The following RNF217 variants were observed in gnomAD, a reference collection of about 807,000 sequenced individuals.
RNF217 encodes the protein E3 ubiquitin-protein ligase RNF217.
In RNF217, 31 loss-of-function variants were observed where a neutral mutation model predicts 57.8. The observed-to-expected ratio is 0.54, with a 90% CI of 0.40 to 0.72. RNF217 has a LOEUF of 0.72. Ranked by LOEUF, RNF217 falls within the 30% of genes least tolerant of loss-of-function variation. The pLI is 0.00. For missense variants in RNF217, 696 were observed against 708.3 expected (o/e 0.98, Z 0.20); for synonymous variants, 313 against 294.0 (o/e 1.06, Z -0.66).
At chr6:124,964,403 G>A (rs1234216916) in intron 1 of RNF217, among the ~76,000 whole-genome samples, 1 of 151,802 alleles carries the variant, frequency 6.6e-6, no homozygotes, top group Non-Finnish European at 1.5e-5. Context: ...TGTTTCTTTC[G>A]TGTCTGCTTG....
chr6:125,028,602 A>G (rs1786212710), intron 1 of RNF217, among the ~76,000 whole-genome samples: 1 of 152,118 alleles, frequency 6.6e-6, no homozygotes, highest in Admixed American at 6.5e-5. Context: ...AATGTATTAT[A>G]ATTCAGTTTT....
At chr6:124,982,074 T>TTGTGGGCAAA (rs1784194948) in intron 1 of RNF217, among the ~76,000 whole-genome samples, 1 of 150,184 alleles carries the variant, frequency 6.7e-6, no homozygotes, top group Non-Finnish European at 1.5e-5. Context: ...AGGAATTTCC[T>TTGTGGGCAAA]TGTGGGCAAA....
intron 1 of RNF217, among the ~76,000 whole-genome samples, chr6:125,029,232 C>T (rs935490284): frequency 3.9e-5 from 6 of 152,080 alleles, no homozygotes; most frequent in African/African-American, 1.4e-4. Context: ...ACTTATACCC[C>T]TAGAATGAGT....
intron 1 of RNF217, among the ~76,000 whole-genome samples, chr6:125,027,869 T>C (rs978619870): frequency 3.3e-5 from 5 of 152,202 alleles, no homozygotes; most frequent in Non-Finnish European, 1.5e-5. Context: ...AGACGGTATC[T>C]CTTGTAGTTT....
chr6:125,024,501 T>C (rs1297068990), intron 1 of RNF217, among the ~76,000 whole-genome samples: 1 of 151,812 alleles, frequency 6.6e-6, no homozygotes, highest in Non-Finnish European at 1.5e-5. Flanking sequence ...GCGGATCACC[T>C]GAGCTCAGGA....
At chr6:124,965,876 T>C (rs994219896) in intron 1 of RNF217, among the ~76,000 whole-genome samples, 1 of 152,214 alleles carries the variant, frequency 6.6e-6, no homozygotes, top group South Asian at 2.1e-4. Flanking sequence ...ACTTAAGTAA[T>C]TAAGTCAAGA....
chr6:124,964,333 C>G (rs1055525454), intron 1 of RNF217, among the ~76,000 whole-genome samples: 1 of 152,180 alleles, frequency 6.6e-6, no homozygotes, highest in Non-Finnish European at 1.5e-5. Context: ...TTGCCTCACC[C>G]TCCAAGTCAC....
intron 1 of RNF217, among the ~76,000 whole-genome samples, chr6:124,982,038 A>G (rs1784192236): frequency 6.8e-6 from 1 of 147,732 alleles, no homozygotes; most frequent in Admixed American, 6.7e-5. Context: ...AAAAAAAAAA[A>G]AAAAAAAAAG....
At chr6:125,078,384 C>T (rs73772626) in intron 4 of RNF217, among the ~76,000 whole-genome samples, 2,096 of 152,164 alleles carry the variant, frequency 0.014, 40 homozygotes, top group African/African-American at 0.046. Flanking sequence ...TTAATTTGGT[C>T]GTGGCAGTGT....
At chr6:125,006,828 A>G (rs1785198067) in intron 1 of RNF217, among the ~76,000 whole-genome samples, 1 of 152,224 alleles carries the variant, frequency 6.6e-6, no homozygotes, top group Non-Finnish European at 1.5e-5. Flanking sequence ...GCGTGCCTGT[A>G]ATCCCAACTA....
At chr6:124,964,551 T>C (rs563252323) in intron 1 of RNF217, among the ~76,000 whole-genome samples, 4 of 152,188 alleles carry the variant, frequency 2.6e-5, no homozygotes, top group Non-Finnish European at 5.9e-5. Flanking sequence ...GATTCCTCTA[T>C]GTTTTTTGGC....
At position 125,091,061 on chromosome 6, in the gene RNF217, T is replaced by C. The variant is rs975590941; in HGVS notation, c.*8124T>C. On this transcript the variant is annotated 3_prime_UTR_variant, in exon 6 of 6. Transcript: ENST00000521654. Reference sequence around the variant, plus strand: ...GGAGTATCTTAAAAACCTAATTTCTTACACTTTTTAGAGCAATCAACTTAT... The same window carrying C: ...GGAGTATCTTAAAAACCTAATTTCTCACACTTTTTAGAGCAATCAACTTAT... The C allele has an allele frequency of 6.6e-6, 1 of 152,066 alleles. No individual in the cohort carries two copies. Among genetic ancestry groups the C allele is most frequent in the Non-Finnish European group, 1.5e-5 (1 of 67,908 alleles). The allele number at this position is 152,066 out of a possible 1,614,324, so 9.4% of individuals were successfully genotyped here.
At chr6:124,963,555 T>C in intron 1 of RNF217, 129 bp downstream of exon 1, 1 of 1,120,076 alleles carries the variant, frequency 8.9e-7, no homozygotes, top group South Asian at 1.9e-5. Context: ...TCTGTTAGTT[T>C]CTCACGTCTC....
At position 125,081,452 on chromosome 6, in the gene RNF217, T is replaced by C. The variant is rs2114655942; in HGVS notation, c.1500T>C (p.Ile500=). 1.9e-6 allele frequency: 3 copies of C among 1,611,464 alleles called. No individual in the cohort carries two copies. The South Asian group carries it at 3.3e-5, about 18-fold the overall frequency. Residue 500 remains isoleucine (I), a synonymous_variant, in exon 5 of 6, where the codon ATT becomes ATC. Coordinates refer to ENST00000521654, the MANE Select transcript of RNF217 (RefSeq NM_001286398.3). ...RGSVCAGKLF[I]APLIMVLGLA... ...GTTTTCCAGCTGGAAAATTATTCAT[T>C]GCACCTCTAATTATGGTTTTGGGAT...
intron 1 of RNF217, among the ~76,000 whole-genome samples, chr6:125,038,556 G>A (rs1191497346): frequency 1.3e-5 from 2 of 151,984 alleles, no homozygotes; most frequent in African/African-American, 4.8e-5. Flanking sequence ...GGCTATTTAA[G>A]GATTCATAAT....
rs1466891257 is a variant in RNF217, at chr6:125,084,200, G to T, written c.*1263G>T. The T allele has an allele frequency of 1.3e-5, 2 of 151,842 alleles. No individual in the cohort carries two copies. The highest frequency in any genetic ancestry group is 4.8e-5 in the African/African-American group (2 of 41,380). The allele number at this position is 151,842 out of a possible 1,614,324, so 9.4% of individuals were successfully genotyped here. ...ACTGCTCAAACATAATATTTTTGGGGACACCTTCTTATGGAGGAGTTTGAA... is the reference window on the plus strand; with the variant it reads ...ACTGCTCAAACATAATATTTTTGGGTACACCTTCTTATGGAGGAGTTTGAA... On this transcript the variant is annotated 3_prime_UTR_variant, in exon 6 of 6. Transcript: ENST00000521654.
intron 1 of RNF217, among the ~76,000 whole-genome samples, chr6:125,029,886 T>C (rs1350423491): frequency 2.6e-5 from 4 of 152,154 alleles, no homozygotes; most frequent in Non-Finnish European, 4.4e-5. Flanking sequence ...GGGATTCCCA[T>C]AGGGCTTAGT....
intron 2 of RNF217, among the ~76,000 whole-genome samples, chr6:125,054,514 C>T (rs1479006757): frequency 1.3e-5 from 2 of 152,166 alleles, no homozygotes; most frequent in Non-Finnish European, 2.9e-5. Flanking sequence ...TCTGTCTTTG[C>T]CTCCATGAAG....
intron 1 of RNF217, among the ~76,000 whole-genome samples, chr6:124,987,341 T>A (rs1287589494): frequency 6.6e-6 from 1 of 152,166 alleles, no homozygotes; most frequent in Non-Finnish European, 1.5e-5. Context: ...TTATTCCCCC[T>A]AAGAGAAATC....
Sources: gnomAD v4.1 joint callset for allele counts (sites outside exome capture counted in the v4.1 genomes callset) on GRCh38, gnomAD v4.1.1 for gene constraint, MANE v1.5 for transcripts, NCBI Gene and HGNC (gene_info 2026-07-23, HGNC 2026-07-21) for gene names.